Variants in GPA33 observed in about 807,000 individuals in gnomAD.
The protein encoded by GPA33 is cell surface A33 antigen.
GPA33 carries 27 observed loss-of-function variants against 35.6 expected under a neutral mutation model. The observed-to-expected ratio is 0.76, with a 90% confidence interval of 0.56 to 1.04. The LOEUF (loss-of-function observed/expected upper bound fraction) is 1.04. Among genes scored for constraint, GPA33 ranks in the 50% least tolerant of loss-of-function variants. The pLI, the probability that GPA33 is intolerant of heterozygous loss-of-function variation, is 0.00. For synonymous variants in GPA33, 176 were observed against 164.0 expected, an observed-to-expected ratio of 1.07 and a Z score of -0.56; for missense variants, 428 against 411.9, an observed-to-expected ratio of 1.04 and a Z score of -0.34.
intron 1 of GPA33, among the ~76,000 whole-genome samples, chr1:167,085,908 G>T (rs1205527374): frequency 6.6e-6 from 1 of 152,182 alleles, no homozygotes; most frequent in African/African-American, 2.4e-5. Context: ...GAGAAACCCA[G>T]ATCCTTCCCC....
intron 1 of GPA33, among the ~76,000 whole-genome samples, chr1:167,074,906 CTTTTT>C (rs774982628): frequency 1.6e-5 from 2 of 121,738 alleles, no homozygotes; most frequent in Non-Finnish European, 1.7e-5. Context: ...ATTTGACTTA[CTTTTT>C]TTTTTTTTTT....
chr1:167,068,936 C>T lies in GPA33; in HGVS notation c.401G>A (p.Arg134His), dbSNP rs201727201. 2.5e-4 allele frequency: 403 copies of T among 1,612,260 alleles called. No homozygotes were observed. The highest frequency in any genetic ancestry group is 3.9e-4 in the African/African-American group (29 of 74,972). ...DLEGNTKSRV[R>H]LLVLVPPSKP... ...AAGACACTCACCGAGGACCAACAGG[C>T]GGACACGTGACTTGGTGTTGCCCTC... Residue 134 changes from arginine (R) to histidine (H), a missense_variant, in exon 3 of 7, where the codon CGC (arginine) becomes CAC (histidine). Arg to His is a conservative substitution (Grantham distance 29, BLOSUM62 0). Coordinates refer to ENST00000367868, the MANE Select transcript of GPA33 (RefSeq NM_005814.3).
rs1042038697 is a variant in GPA33 at position 167,062,956 on chromosome 1, CAAATT to C, written c.571+621_571+625del. Reference sequence around the variant, plus strand: ...TCAAATGTATACTTCAGGACACAATCAAATTAAAATCCTACCCATGCTTTTGCACA... The same window carrying C: ...TCAAATGTATACTTCAGGACACAATCAAAATCCTACCCATGCTTTTGCACA... On this transcript the variant is annotated intron_variant, in intron 4 of 6. Coordinates refer to ENST00000367868, the MANE Select transcript of GPA33 (RefSeq NM_005814.3). Among the ~76,000 whole-genome samples the C allele has an allele frequency of 4.3e-4, 65 of 152,264 alleles. 1 individual carries two copies. Among genetic ancestry groups the C allele is most frequent in the African/African-American group, 1.5e-3 (63 of 41,562 alleles).
At chr1:167,059,110 G>C (rs1158255199) in intron 4 of GPA33, among the ~76,000 whole-genome samples, 16 of 152,090 alleles carry the variant, frequency 1.1e-4, no homozygotes, top group African/African-American at 3.4e-4. Context: ...TTAGGGTGGG[G>C]AACATGGGGT....
chr1:167,080,024 C>T (rs925398412), intron 1 of GPA33, among the ~76,000 whole-genome samples: 8 of 152,158 alleles, frequency 5.3e-5, no homozygotes, highest in African/African-American at 1.9e-4. Flanking sequence ...TTAGAGTCTT[C>T]CAGCTACCTC....
intron 1 of GPA33, among the ~76,000 whole-genome samples, chr1:167,073,882 G>A (rs578257093): frequency 1.3e-5 from 2 of 152,092 alleles, no homozygotes; most frequent in Non-Finnish European, 2.9e-5. Context: ...TTGATTTATT[G>A]GGAAAATTAA....
intron 1 of GPA33, among the ~76,000 whole-genome samples, chr1:167,075,549 A>C (rs1358149850): frequency 5.9e-5 from 9 of 152,204 alleles, no homozygotes; most frequent in Admixed American, 5.9e-4. Flanking sequence ...TTCAGGGGGC[A>C]GATCAGGAGT....
At position 167,061,622 on chromosome 1, in the gene GPA33, G is replaced by A. The variant is rs928155466; in HGVS notation, c.571+1960C>T. On this transcript the variant is annotated intron_variant, in intron 4 of 6. Coordinates refer to ENST00000367868, the MANE Select transcript of GPA33 (RefSeq NM_005814.3). ...TTTTTTTTTTTTTTTTTGAGACGGAGTCTCGCTCTGTTGCCCAGGCTGCAG... is the reference window on the plus strand; with the variant it reads ...TTTTTTTTTTTTTTTTTGAGACGGAATCTCGCTCTGTTGCCCAGGCTGCAG... Among the ~76,000 whole-genome samples the A allele has an allele frequency of 3.4e-5, 4 of 116,870 alleles. No individual in the cohort carries two copies. In the Admixed American group the frequency reaches 4.9e-4, roughly 14 times the overall value. 76.7% of individuals were successfully genotyped at this position (116,870 alleles called of 152,430 possible).
chr1:167,073,068 A>G (rs554107359), intron 2 of GPA33, among the ~76,000 whole-genome samples: 3 of 152,216 alleles, frequency 2.0e-5, no homozygotes, highest in Non-Finnish European at 4.4e-5. Context: ...AACAGGAAAA[A>G]AAACCCATAA....
intron 3 of GPA33, among the ~76,000 whole-genome samples, chr1:167,064,900 G>A (rs868784171): frequency 6.6e-6 from 1 of 152,148 alleles, no homozygotes; most frequent in Non-Finnish European, 1.5e-5. Context: ...TGAGGACTGA[G>A]GGGACTCGAG....
intron 1 of GPA33, among the ~76,000 whole-genome samples, chr1:167,075,752 CAT>C (rs1429934598): frequency 6.6e-6 from 1 of 152,164 alleles, no homozygotes; most frequent in Non-Finnish European, 1.5e-5. Flanking sequence ...ACAGGAAAGA[CAT>C]GTGGGACTGA....
intron 1 of GPA33, among the ~76,000 whole-genome samples, chr1:167,090,012 G>A (rs746664272): frequency 6.6e-6 from 1 of 152,220 alleles, no homozygotes; most frequent in Non-Finnish European, 1.5e-5. Flanking sequence ...GGTCTTGAGA[G>A]TACTTTGAAT....
At chr1:167,058,558 C>G (rs548813535) in intron 4 of GPA33, 6 of 152,260 alleles carry the variant, frequency 3.9e-5, no homozygotes, top group African/African-American at 1.4e-4. Context: ...TGATTTGGTG[C>G]TATTTTCTTT....
chr1:167,083,583 T>C (rs151191126), intron 1 of GPA33, among the ~76,000 whole-genome samples: 1 of 152,224 alleles, frequency 6.6e-6, no homozygotes, highest in African/African-American at 2.4e-5. Context: ...AGTCAGATGG[T>C]AATAAATAAA....
At chr1:167,061,073 T>C (rs1243299052) in intron 4 of GPA33, among the ~76,000 whole-genome samples, 3 of 152,218 alleles carry the variant, frequency 2.0e-5, no homozygotes, top group African/African-American at 7.2e-5. Context: ...ACTAGCATTG[T>C]ACCCATTTCA....
At chr1:167,069,249 C>CTGG (rs1666668520) in intron 2 of GPA33, 111 bp from the exon 3 acceptor site, 2 of 649,432 alleles carry the variant, frequency 3.1e-6, no homozygotes, top group Non-Finnish European at 5.5e-6. Context: ...GAAGCACAGA[C>CTGG]CTGCCAACCC....
chr1:167,063,768 T>C, intron 3 of GPA33, 31 bp from the exon 4 acceptor site: 1 of 1,599,622 alleles, frequency 6.3e-7, no homozygotes, highest in Non-Finnish European at 8.5e-7. Flanking sequence ...AGAGAAGGCA[T>C]GAGGCAGGTG....
At chr1:167,078,773 T>G (rs1213673114) in intron 1 of GPA33, 2 of 152,238 alleles carry the variant, frequency 1.3e-5, no homozygotes, top group Admixed American at 1.3e-4. Flanking sequence ...GAACTCTGGT[T>G]CCTTTCTTTA....
At chr1:167,084,406 A>G (rs1353845772) in intron 1 of GPA33, among the ~76,000 whole-genome samples, 2 of 152,232 alleles carry the variant, frequency 1.3e-5, no homozygotes, top group Non-Finnish European at 2.9e-5. Flanking sequence ...TAAAGAGATC[A>G]AGGGTGATGT....
Sources: gnomAD v4.1 joint callset for allele counts (sites outside exome capture counted in the v4.1 genomes callset) on GRCh38, gnomAD v4.1.1 for gene constraint, MANE v1.5 for transcripts, NCBI Gene and HGNC (gene_info 2026-07-23, HGNC 2026-07-21) for gene names.